Variants in UBE3D observed in about 807,000 individuals in gnomAD.
The protein encoded by UBE3D is ubiquitin protein ligase E3D, also known as E3 ubiquitin-protein ligase E3D.
Under a neutral mutation model 49.6 loss-of-function variants are expected in UBE3D, and 48 were observed. That is an observed-to-expected ratio of 0.97 (90% CI 0.77 to 1.23). The LOEUF (loss-of-function observed/expected upper bound fraction) is 1.23, where lower values mean the gene tolerates loss of function less well. Among genes scored for constraint, UBE3D ranks in the 50% most tolerant of loss-of-function variants. The pLI is 0.00. For synonymous variants in UBE3D, 189 were observed against 174.2 expected (o/e 1.08, Z -0.67); for missense variants, 452 against 468.4 (o/e 0.96, Z 0.32).
At chr6:83,019,209 C>T in intron 7 of UBE3D, 73 bp from the exon 8 acceptor site, 2 of 1,322,482 alleles carry the variant, frequency 1.5e-6, no homozygotes, top group Non-Finnish European at 2.0e-6. Context: ...TTTTCAAAAA[C>T]AAAAAAGAGA....
At chr6:82,883,393 C>T in the UBE3D span, among the ~76,000 whole-genome samples, 3 of 151,974 alleles carry the variant, frequency 2.0e-5, no homozygotes, top group Non-Finnish European at 4.4e-5. Context: ...TATGAATGTC[C>T]CCAGTAGAGT....
chr6:82,885,499 C>T, the UBE3D span, among the ~76,000 whole-genome samples: 2 of 152,194 alleles, frequency 1.3e-5, no homozygotes, highest in African/African-American at 4.8e-5. Flanking sequence ...CTGAAATAAC[C>T]CCTATGAGAC....
chr6:83,026,417 G>C (rs1181618424), intron 5 of UBE3D, among the ~76,000 whole-genome samples: 1 of 152,092 alleles, frequency 6.6e-6, no homozygotes, highest in East Asian at 1.9e-4. Context: ...TCCAGCCTGA[G>C]AGACAGAGTA....
intron 3 of UBE3D, among the ~76,000 whole-genome samples, chr6:83,051,847 T>A (rs1420147975): frequency 6.6e-6 from 1 of 152,222 alleles, no homozygotes; most frequent in East Asian, 1.9e-4. Context: ...CTCTCACTTA[T>A]GCCAGAGTAA....
chr6:83,024,080 A>G (rs761366630), intron 5 of UBE3D, 42 bp from the exon 6 acceptor site: 2 of 1,137,664 alleles, frequency 1.8e-6, no homozygotes, highest in Non-Finnish European at 2.5e-6. Flanking sequence ...CCAATACACT[A>G]ATAATTTTAT....
the UBE3D span, among the ~76,000 whole-genome samples, chr6:82,883,187 T>C: frequency 6.6e-6 from 1 of 152,148 alleles, no homozygotes; most frequent in Non-Finnish European, 1.5e-5. Flanking sequence ...TTTTGAAAAG[T>C]ATATTTTCAA....
At position 82,947,614 on chromosome 6, in the gene UBE3D, C is replaced by T. The variant is rs138076921; in HGVS notation, c.1149+9698G>A. ...TTCTCAATGACAGACCTTCTGTTAA[C>T]GTCACAAAATAAGTCTTAAAACACT... On this transcript the variant is annotated intron_variant, in intron 9 of 9. Coordinates refer to ENST00000369747, the MANE Select transcript of UBE3D (RefSeq NM_198920.3). 4.6e-5 allele frequency among the ~76,000 whole-genome samples: 7 copies of T among 151,934 alleles called. No individual in the cohort carries two copies. In the East Asian group the frequency reaches 5.8e-4, roughly 13 times the overall value.
intron 4 of UBE3D, 118 bp downstream of exon 4, chr6:83,044,310 T>A: frequency 1.1e-6 from 1 of 902,236 alleles, no homozygotes; most frequent in Non-Finnish European, 1.7e-6. Flanking sequence ...CAGTTGAAAA[T>A]AATGAATTTT....
At chr6:82,886,317 A>G in the UBE3D span, among the ~76,000 whole-genome samples, 1 of 152,156 alleles carries the variant, frequency 6.6e-6, no homozygotes, top group Non-Finnish European at 1.5e-5. Flanking sequence ...TTAGGTTCTT[A>G]TAAGGAGCAC....
chr6:82,903,236 C>G (rs1771864751), intron 9 of UBE3D, among the ~76,000 whole-genome samples: 1 of 152,116 alleles, frequency 6.6e-6, no homozygotes. Flanking sequence ...ATCCTCCCAC[C>G]TCGGCCTCCC....
chr6:82,925,189 A>T (rs962184120), intron 9 of UBE3D: 1 of 152,208 alleles, frequency 6.6e-6, no homozygotes, highest in African/African-American at 2.4e-5. Context: ...TCTGTAAGCA[A>T]AGTCTACCTT....
chr6:82,969,853 T>C (rs1393426444), intron 8 of UBE3D, among the ~76,000 whole-genome samples: 4 of 151,864 alleles, frequency 2.6e-5, no homozygotes, highest in Non-Finnish European at 4.4e-5. Context: ...AGAATAAATG[T>C]TTGAAAATGA....
At chr6:82,988,842 T>C (rs978634836) in intron 8 of UBE3D, among the ~76,000 whole-genome samples, 1 of 151,068 alleles carries the variant, frequency 6.6e-6, no homozygotes, top group Non-Finnish European at 1.5e-5. Context: ...TACCAGGAGA[T>C]TAACTACCAA....
chr6:83,014,621 G>A (rs1292497561), intron 8 of UBE3D, among the ~76,000 whole-genome samples: 2 of 152,302 alleles, frequency 1.3e-5, no homozygotes, highest in South Asian at 4.1e-4. Flanking sequence ...ATCAGCGTCA[G>A]CTCAGAGCCA....
chr6:82,924,462 A>G (rs1773598563), intron 9 of UBE3D, among the ~76,000 whole-genome samples: 1 of 152,210 alleles, frequency 6.6e-6, no homozygotes, highest in Admixed American at 6.5e-5. Flanking sequence ...ATTTATTATG[A>G]CAACTGCATA....
intron 9 of UBE3D, among the ~76,000 whole-genome samples, chr6:82,940,653 T>G (rs1297052503): frequency 6.6e-6 from 1 of 152,136 alleles, no homozygotes; most frequent in Non-Finnish European, 1.5e-5. Flanking sequence ...AGAAGCCCTT[T>G]GACATGTGGA....
At chr6:83,032,567 T>C (rs1781956391) in intron 5 of UBE3D, among the ~76,000 whole-genome samples, 1 of 152,234 alleles carries the variant, frequency 6.6e-6, no homozygotes, top group Admixed American at 6.5e-5. Flanking sequence ...TTTCAGTTAA[T>C]GCTGAAATGA....
chr6:82,957,241 G>A (rs1049138851), intron 9 of UBE3D, 71 bp downstream of exon 9: 2 of 1,530,502 alleles, frequency 1.3e-6, no homozygotes, highest in Non-Finnish European at 1.8e-6. Context: ...TCCTGTGAAA[G>A]AGAGGATCCT....
intron 9 of UBE3D, among the ~76,000 whole-genome samples, chr6:82,912,445 A>AT (rs1004784676): frequency 3.9e-4 from 57 of 146,938 alleles, no homozygotes; most frequent in Admixed American, 6.1e-4. Context: ...GAATTTTTGG[A>AT]TTTTTTTTTT....
Sources: allele counts gnomAD v4.1 joint callset (sites outside exome capture counted in the v4.1 genomes callset), GRCh38; gene constraint gnomAD v4.1.1; transcripts MANE v1.5; gene names NCBI Gene and HGNC (gene_info 2026-07-23, HGNC 2026-07-21).